PIEZO2: variants seen among roughly 807,000 people sequenced by gnomAD.
PIEZO2 encodes the protein piezo-type mechanosensitive ion channel component 2.
Under a neutral mutation model 337.3 loss-of-function variants are expected in PIEZO2, and 172 were observed. The ratio of observed to expected loss-of-function variants is 0.51; its 90% CI spans 0.45 to 0.58. The LOEUF is 0.58. Ranked by LOEUF, PIEZO2 falls within the 20% of genes least tolerant of loss-of-function variation. The probability of loss-of-function intolerance (pLI) is 0.00; values close to 1 mark genes in which losing one functional copy is unlikely to be tolerated. For missense variants in PIEZO2, 3,028 were observed against 3,391.3 expected, an observed-to-expected ratio of 0.89 and a Z score of 2.66; for synonymous variants, 1,251 against 1,228.5, an observed-to-expected ratio of 1.02 and a Z score of -0.38.
chr18:10,705,267 C>T (rs1182515346), intron 41 of PIEZO2, 69 bp downstream of exon 41: 4 of 1,429,402 alleles, frequency 2.8e-6, no homozygotes, highest in South Asian at 1.5e-5. Flanking sequence ...TTTCTGTATA[C>T]AGAATTAGGG....
chr18:10,708,690 G>A (rs1197899278), intron 39 of PIEZO2, among the ~76,000 whole-genome samples: 1 of 152,144 alleles, frequency 6.6e-6, no homozygotes, highest in African/African-American at 2.4e-5. Flanking sequence ...CACTCTCTGG[G>A]TGGGACTAAG....
At chr18:10,987,713 G>C (rs1409802384) in intron 2 of PIEZO2, among the ~76,000 whole-genome samples, 2 of 151,756 alleles carry the variant, frequency 1.3e-5, no homozygotes, top group African/African-American at 4.9e-5. Flanking sequence ...GAAATTTAAC[G>C]ACTTCTGCAC....
intron 2 of PIEZO2, among the ~76,000 whole-genome samples, chr18:10,994,279 A>G (rs1158106189): frequency 6.6e-6 from 1 of 152,152 alleles, no homozygotes; most frequent in Non-Finnish European, 1.5e-5. Context: ...GCAATTGCAA[A>G]TTGTGCTGCT....
intron 2 of PIEZO2, among the ~76,000 whole-genome samples, chr18:10,984,044 T>C (rs1413589000): frequency 3.9e-5 from 6 of 152,114 alleles, no homozygotes; most frequent in Admixed American, 3.9e-4. Flanking sequence ...TCTAACCCGG[T>C]TCACTGGTGA....
chr18:11,045,295 CAAAAAAAAAAAAAAAA>C (rs58924653), intron 2 of PIEZO2, among the ~76,000 whole-genome samples: 3 of 52,340 alleles, frequency 5.7e-5, no homozygotes, highest in Non-Finnish European at 7.2e-5. Flanking sequence ...GACTCCGTCT[CAAAAAAAAAAAAAAAA>C]AAAAAAAAAA....
rs2033319093 is a variant in PIEZO2 at position 10,952,081 on chromosome 18, T to C, written c.286+27454A>G. On this transcript the variant is annotated intron_variant, in intron 3 of 55. Transcript: ENST00000674853. This position sits in a 1 kb window ranked among gnomAD's most constrained non-coding sequence, Gnocchi z 4.1. Reference sequence around the variant, plus strand: ...AAGTCATCATGATCTTGAGAACCTGTGGCTGCTTAGTGGTACAGCAAAACC... The same window carrying C: ...AAGTCATCATGATCTTGAGAACCTGCGGCTGCTTAGTGGTACAGCAAAACC... Among the ~76,000 whole-genome samples, 1 of 152,204 alleles carries C rather than the reference T, an allele frequency of 6.6e-6. No individual in the cohort carries two copies. Among genetic ancestry groups the C allele is most frequent in the Admixed American group, 6.5e-5 (1 of 15,282 alleles).
At chr18:10,874,938 T>C (rs1324089765) in intron 4 of PIEZO2, among the ~76,000 whole-genome samples, 1 of 152,200 alleles carries the variant, frequency 6.6e-6, no homozygotes, top group African/African-American at 2.4e-5. Context: ...TAGTTTATTA[T>C]ATATTTCAAA....
chr18:11,148,986 C>T lies in PIEZO2; in HGVS notation c.-398G>A, dbSNP rs2040882967. On this transcript the variant is annotated 5_prime_UTR_variant, in exon 1 of 56. Coordinates refer to ENST00000674853, the MANE Select transcript of PIEZO2 (RefSeq NM_001378183.1). The surrounding 1 kb of genome is among the most constrained non-coding windows in gnomAD (Gnocchi z 5.2). ...CGGCGAGCAAAGGGGGCAAGAAGGG[C>T]GTGCTGTGCTCCCGCCTGGCTCCCG... 6.6e-6 allele frequency among the ~76,000 whole-genome samples: 1 copy of T among 151,284 alleles called. No homozygotes were observed. The highest frequency in any genetic ancestry group is 2.1e-4 in the South Asian group (1 of 4,776).
chr18:11,096,661 CACACGTATCT>C lies in PIEZO2; in HGVS notation c.65-30449_65-30440del. ...ACCCTCATCTCCCCCACCCAACACA[CACACGTATCT>C]ACCTCTTGTCTTTCAAGGAGATATA... On this transcript the variant is annotated intron_variant, in intron 1 of 55. Coordinates refer to ENST00000674853, the MANE Select transcript of PIEZO2 (RefSeq NM_001378183.1). The surrounding 1 kb of genome is among the most constrained non-coding windows in gnomAD (Gnocchi z 4.6). Among the ~76,000 whole-genome samples the C allele has an allele frequency of 6.6e-6, 1 of 152,196 alleles. No individual in the cohort carries two copies. Among genetic ancestry groups the C allele is most frequent in the Non-Finnish European group, 1.5e-5 (1 of 68,040 alleles).
rs2036775398 is a variant in PIEZO2 at position 11,032,422 on chromosome 18, T to G, written c.160+33705A>C. 6.6e-6 allele frequency among the ~76,000 whole-genome samples: 1 copy of G among 152,172 alleles called. No homozygotes were observed. Among genetic ancestry groups the G allele is most frequent in the Non-Finnish European group, 1.5e-5 (1 of 68,026 alleles). On this transcript the variant is annotated intron_variant, in intron 2 of 55. Coordinates refer to ENST00000674853, the MANE Select transcript of PIEZO2 (RefSeq NM_001378183.1). This position sits in a 1 kb window ranked among gnomAD's most constrained non-coding sequence, Gnocchi z 4.9. ...CCTTACTTCACCTGGGAATAACGAT[T>G]TACTGAATTTCAGCTCTTGCTCTAT...
intron 44 of PIEZO2, 117 bp from the exon 45 acceptor site, chr18:10,697,997 G>A (rs2035173130): frequency 6.3e-6 from 2 of 318,384 alleles, no homozygotes; most frequent in African/African-American, 1.5e-4. Context: ...GACTGTTTGG[G>A]AGGATGAGTA....
At chr18:11,056,453 T>G (rs4124000) in intron 2 of PIEZO2, among the ~76,000 whole-genome samples, 48,850 of 152,094 alleles carry the variant, frequency 0.32, 8,670 homozygotes, top group East Asian at 0.76. Context: ...TTTAGAAATC[T>G]AGGCTCTTAG....
At chr18:11,042,256 T>C (rs1310813067) in intron 2 of PIEZO2, among the ~76,000 whole-genome samples, 1 of 152,118 alleles carries the variant, frequency 6.6e-6, no homozygotes, top group Non-Finnish European at 1.5e-5. Context: ...CTAGCCCTCG[T>C]CCCCACAGTC....
In PIEZO2 at chr18:10,873,846, A is replaced by G. The variant is rs534979374; in HGVS notation, c.330-2431T>C. On this transcript the variant is annotated intron_variant, in intron 4 of 55. Coordinates refer to ENST00000674853, the MANE Select transcript of PIEZO2 (RefSeq NM_001378183.1). ...GCTAGAAGAAAACTATAAAACTACT[A>G]GAAGAAAATATGAAACTACTAGAAA... 2.1e-4 allele frequency among the ~76,000 whole-genome samples: 32 copies of G among 152,300 alleles called. No homozygotes were observed. In the South Asian group the frequency reaches 3.7e-3, roughly 18 times the overall value.
At chr18:10,882,013 T>C (rs1245578030) in intron 4 of PIEZO2, among the ~76,000 whole-genome samples, 1 of 152,214 alleles carries the variant, frequency 6.6e-6, no homozygotes, top group African/African-American at 2.4e-5. Flanking sequence ...GCAGTTTCTA[T>C]CACTTTGAAT....
chr18:10,678,192 G>T (rs752887973), intron 52 of PIEZO2, among the ~76,000 whole-genome samples: 4 of 152,188 alleles, frequency 2.6e-5, no homozygotes, highest in African/African-American at 9.7e-5. Context: ...TCAACCCAAT[G>T]ATGTTAGTCT....
At chr18:11,058,847 G>A (rs2037827811) in intron 2 of PIEZO2, among the ~76,000 whole-genome samples, 1 of 152,210 alleles carries the variant, frequency 6.6e-6, no homozygotes, top group Non-Finnish European at 1.5e-5. Flanking sequence ...ATATTATACA[G>A]AAGAACTTCC....
rs372164088 is a variant in PIEZO2, at chr18:11,111,382, G to GT, written c.64+37142dup. Among the ~76,000 whole-genome samples, 721 of 152,286 alleles carry GT rather than the reference G, an allele frequency of 4.7e-3. 5 individuals carry two copies. Among genetic ancestry groups the GT allele is most frequent in the African/African-American group, 0.016 (669 of 41,562 alleles). The stretch of plus-strand genomic sequence containing the variant: ...TTTCCTAACCAAGTCCTGAACCAAT[G>GT]TAAGACTTTTCATAAAAACCTAGAT... On this transcript the variant is annotated intron_variant, in intron 1 of 55. Coordinates refer to ENST00000674853, the MANE Select transcript of PIEZO2 (RefSeq NM_001378183.1). The surrounding 1 kb of genome is among the most constrained non-coding windows in gnomAD (Gnocchi z 6.2).
intron 27 of PIEZO2, among the ~76,000 whole-genome samples, chr18:10,753,645 C>T (rs2037730476): frequency 6.6e-6 from 1 of 152,158 alleles, no homozygotes; most frequent in Admixed American, 6.5e-5. Context: ...TGGGAAGAAA[C>T]ATAGGAGAAC....
Sources: allele counts gnomAD v4.1 joint callset (sites outside exome capture counted in the v4.1 genomes callset), GRCh38; gene constraint gnomAD v4.1.1; non-coding constraint Gnocchi (gnomAD v3.1); transcripts MANE v1.5; gene names NCBI Gene and HGNC (gene_info 2026-07-23, HGNC 2026-07-21).